The following APBA1 variants were observed in gnomAD, a reference collection of about 807,000 sequenced individuals.
The protein encoded by APBA1 is amyloid beta precursor protein binding family A member 1, also known as amyloid-beta A4 precursor protein-binding family A member 1.
A neutral mutation model predicts 86.6 loss-of-function variants in APBA1; 55 were observed. The observed-to-expected ratio is 0.64, with a 90% confidence interval of 0.51 to 0.80. APBA1 has a LOEUF of 0.80. Among genes scored for constraint, APBA1 ranks in the 30% least tolerant of loss-of-function variants. The pLI, the probability that APBA1 is intolerant of heterozygous loss-of-function variation, is 0.00. For synonymous variants in APBA1, 511 were observed against 493.9 expected (o/e 1.03, Z -0.46); for missense variants, 1,090 against 1,183.0 (o/e 0.92, Z 1.15).
rs200367160 is a variant in APBA1 at position 69,467,989 on chromosome 9, G to C, written c.1337-21C>G. 1.8e-4 allele frequency: 295 copies of C among 1,610,992 alleles called. 2 individuals carry two copies. The African/African-American group carries it at 3.1e-3, about 17-fold the overall frequency. On this transcript the variant is annotated intron_variant, in intron 4 of 12. Coordinates refer to ENST00000265381, the MANE Select transcript of APBA1 (RefSeq NM_001163.4). The stretch of plus-strand genomic sequence containing the variant: ...CGGAACTGTAACACATAGAGCCACA[G>C]TGAGGAAGCCATCCTGGGGTGGGGC...
At chr9:69,620,751 G>C (rs1406001896) in intron 1 of APBA1, among the ~76,000 whole-genome samples, 1 of 152,192 alleles carries the variant, frequency 6.6e-6, no homozygotes, top group African/African-American at 2.4e-5. Context: ...AACCCAAGGG[G>C]TCCGAAAGTG....
intron 1 of APBA1, among the ~76,000 whole-genome samples, chr9:69,644,076 C>T (rs1259475940): frequency 3.3e-5 from 5 of 152,182 alleles, no homozygotes; most frequent in Admixed American, 6.5e-5. Context: ...ACACTCTTTG[C>T]CATTACTCTG....
intron 1 of APBA1, among the ~76,000 whole-genome samples, chr9:69,640,426 A>C (rs1458514199): frequency 1.3e-5 from 2 of 152,072 alleles, no homozygotes; most frequent in Non-Finnish European, 2.9e-5. Context: ...TAATTTGCAA[A>C]AGCTTGGTTA....
chr9:69,651,525 G>C (rs1004535092), intron 1 of APBA1, among the ~76,000 whole-genome samples: 1 of 151,980 alleles, frequency 6.6e-6, no homozygotes, highest in Non-Finnish European at 1.5e-5. Context: ...GCCCAGGCTA[G>C]AGTGTAATGG....
chr9:69,488,325 T>C (rs1835644617), intron 2 of APBA1, among the ~76,000 whole-genome samples: 1 of 151,890 alleles, frequency 6.6e-6, no homozygotes, highest in Non-Finnish European at 1.5e-5. Flanking sequence ...CTGACTTTTT[T>C]TGAAAAAAAA....
intron 2 of APBA1, among the ~76,000 whole-genome samples, chr9:69,506,537 C>T (rs1170504077): frequency 2.8e-4 from 12 of 43,106 alleles, no homozygotes; most frequent in Admixed American, 1.0e-3. Flanking sequence ...ACAAAGCAGC[C>T]TGGAAGCTCG....
chr9:69,655,916 G>A (rs982682468), intron 1 of APBA1, among the ~76,000 whole-genome samples: 1 of 152,146 alleles, frequency 6.6e-6, no homozygotes, highest in Non-Finnish European at 1.5e-5. Context: ...TCGCCACAAA[G>A]AAATCATAAA....
At chr9:69,456,961 C>T in intron 7 of APBA1, 92 bp downstream of exon 7, 2 of 1,103,700 alleles carry the variant, frequency 1.8e-6, no homozygotes, top group Non-Finnish European at 2.7e-6. Flanking sequence ...GACAGCTGCT[C>T]TACAGACACA....
intron 5 of APBA1, chr9:69,462,010 TAAAAG>T (rs1422375750): frequency 6.6e-6 from 1 of 152,168 alleles, no homozygotes; most frequent in Non-Finnish European, 1.5e-5. Context: ...GAGAAAATCA[TAAAAG>T]AATGAAAAAA....
chr9:69,510,404 G>T (rs1836014049), intron 2 of APBA1, among the ~76,000 whole-genome samples: 1 of 144,334 alleles, frequency 6.9e-6, no homozygotes, highest in Admixed American at 7.0e-5. Context: ...ACAAACCACT[G>T]CTCAAGGAAA....
chr9:69,651,275 G>C (rs1289826714), intron 1 of APBA1, among the ~76,000 whole-genome samples: 2 of 152,142 alleles, frequency 1.3e-5, no homozygotes, highest in Admixed American at 1.3e-4. Flanking sequence ...GCACAGAATG[G>C]GAGGGAGCGT....
At chr9:69,585,621 G>T (rs1364858083) in intron 1 of APBA1, among the ~76,000 whole-genome samples, 1 of 152,130 alleles carries the variant, frequency 6.6e-6, no homozygotes, top group Non-Finnish European at 1.5e-5. Context: ...TGCTGCTGGT[G>T]GGATTTCTGG....
intron 11 of APBA1, among the ~76,000 whole-genome samples, chr9:69,439,147 C>T (rs1295585810): frequency 3.3e-5 from 3 of 91,950 alleles, no homozygotes; most frequent in South Asian, 4.8e-4. Context: ...CCAAGAGATC[C>T]GCTGTTAGTC....
chr9:69,456,419 T>A lies in APBA1; in HGVS notation c.1616A>T (p.Asp539Val). The A allele has an allele frequency of 6.3e-7, 1 of 1,597,960 alleles. No individual in the cohort carries two copies. Among genetic ancestry groups the A allele is most frequent in the Non-Finnish European group, 8.5e-7 (1 of 1,170,640 alleles). ...LNADTQETMMDHPLRTISYIA... is the reference protein window; with the variant it reads ...LNADTQETMMVHPLRTISYIA... ...GTAGGAAATGGTCCTCAGAGGGTGG[T>A]CCATCATTGTCTCCTGGAGGCAGGA... Residue 539 changes from aspartate to valine, a missense_variant, in exon 8 of 13, where the codon GAC becomes GTC. By Grantham distance (152) the Asp-to-Val change is radical. Coordinates refer to ENST00000265381, the MANE Select transcript of APBA1 (RefSeq NM_001163.4).
chr9:69,585,082 C>T (rs1232360076), intron 1 of APBA1, among the ~76,000 whole-genome samples: 1 of 152,174 alleles, frequency 6.6e-6, no homozygotes, highest in Non-Finnish European at 1.5e-5. Flanking sequence ...CTGTTCTTGG[C>T]ACTGGGAACC....
chr9:69,519,246 G>T (rs867403445), intron 1 of APBA1, among the ~76,000 whole-genome samples: 1 of 152,336 alleles, frequency 6.6e-6, no homozygotes, highest in South Asian at 2.1e-4. Context: ...CTCAGATCAT[G>T]AGGCATTAGT....
chr9:69,572,983 C>T (rs747202392), intron 1 of APBA1, among the ~76,000 whole-genome samples: 6 of 152,064 alleles, frequency 3.9e-5, no homozygotes, highest in African/African-American at 1.2e-4. Flanking sequence ...CATCCCAGTA[C>T]ATAAATCTTT....
At chr9:69,559,433 T>C (rs999716000) in intron 1 of APBA1, among the ~76,000 whole-genome samples, 3 of 152,188 alleles carry the variant, frequency 2.0e-5, no homozygotes, top group Non-Finnish European at 2.9e-5. Flanking sequence ...TTTATCCCTA[T>C]TAATTTAGCC....
intron 1 of APBA1, among the ~76,000 whole-genome samples, chr9:69,564,060 A>C (rs573486236): frequency 1.3e-5 from 2 of 152,212 alleles, no homozygotes; most frequent in Non-Finnish European, 2.9e-5. Flanking sequence ...GCAACTCCCC[A>C]AACTCCAAAT....
Sources: allele counts gnomAD v4.1 joint callset (sites outside exome capture counted in the v4.1 genomes callset), GRCh38; gene constraint gnomAD v4.1.1; transcripts MANE v1.5; gene names NCBI Gene and HGNC (gene_info 2026-07-23, HGNC 2026-07-21).